The following KAZN variants were observed in gnomAD, a reference collection of about 807,000 sequenced individuals.
KAZN encodes the protein kazrin.
In KAZN, 40 loss-of-function variants were observed where a neutral mutation model predicts 87.4. The observed-to-expected ratio is 0.46, with a 90% confidence interval of 0.36 to 0.60. The LOEUF (loss-of-function observed/expected upper bound fraction) is 0.60, where lower values mean the gene tolerates loss of function less well. KAZN is among the 20% of genes least tolerant of loss of function. KAZN has a pLI of 0.00. For synonymous variants in KAZN, 466 were observed against 458.3 expected, an observed-to-expected ratio of 1.02 and a Z score of -0.22; for missense variants, 898 against 1,073.9, an observed-to-expected ratio of 0.84 and a Z score of 2.29.
intron 2 of KAZN, among the ~76,000 whole-genome samples, chr1:14,248,577 G>C (rs1417392798): frequency 6.6e-6 from 1 of 152,244 alleles, no homozygotes; most frequent in African/African-American, 2.4e-5. Flanking sequence ...CAGGGCCATG[G>C]AGGATGAAGA....
intron 2 of KAZN, among the ~76,000 whole-genome samples, chr1:14,535,367 A>G (rs1672429931): frequency 1.3e-5 from 2 of 152,232 alleles, no homozygotes; most frequent in African/African-American, 4.8e-5. Context: ...TCATAATGCA[A>G]AGAAATACAC....
chr1:14,845,559 G>GTGGGTGGA (rs1553143775), intron 1 of KAZN, among the ~76,000 whole-genome samples: 7,345 of 145,444 alleles, frequency 0.051, 269 homozygotes, highest in Admixed American at 0.098. Context: ...AGATGGGTGG[G>GTGGGTGGA]TGGATGGATG....
At chr1:14,302,493 T>G (rs1654622630) in intron 2 of KAZN, among the ~76,000 whole-genome samples, 1 of 152,120 alleles carries the variant, frequency 6.6e-6, no homozygotes. Flanking sequence ...GAAACAGACA[T>G]GTATCCTGCC....
intron 1 of KAZN, among the ~76,000 whole-genome samples, chr1:14,175,247 G>A (rs1476769532): frequency 6.6e-6 from 1 of 152,186 alleles, no homozygotes; most frequent in Non-Finnish European, 1.5e-5. Flanking sequence ...GGGACTACAG[G>A]CGCCTGCCAC....
chr1:14,161,144 G>A, intron 1 of KAZN, among the ~76,000 whole-genome samples: 1 of 152,230 alleles, frequency 6.6e-6, no homozygotes, highest in African/African-American at 2.4e-5. Flanking sequence ...GGTTATTGGA[G>A]CAAAATCAAA....
chr1:14,883,358 A>AGAAAGAAAG (rs1653630020), intron 1 of KAZN, among the ~76,000 whole-genome samples: 2 of 34,820 alleles, frequency 5.7e-5, no homozygotes, highest in Non-Finnish European at 1.2e-4. Flanking sequence ...AAGAAAGAAA[A>AGAAAGAAAG]GAAAGAAAGA....
chr1:14,833,578 C>G (rs763646824), intron 1 of KAZN, among the ~76,000 whole-genome samples: 3 of 152,172 alleles, frequency 2.0e-5, no homozygotes, highest in African/African-American at 7.2e-5. Flanking sequence ...TCTACCCCCC[C>G]CAGGCCCTCA....
chr1:14,277,568 G>A (rs1652471814), intron 2 of KAZN, among the ~76,000 whole-genome samples: 1 of 151,704 alleles, frequency 6.6e-6, no homozygotes, highest in African/African-American at 2.4e-5. Context: ...GGAGGCTGAG[G>A]TGGAGAATTG....
intron 1 of KAZN, among the ~76,000 whole-genome samples, chr1:14,141,464 C>A (rs1009615342): frequency 1.3e-5 from 2 of 150,102 alleles, no homozygotes; most frequent in African/African-American, 5.0e-5. Flanking sequence ...CTGATGGAAC[C>A]AGATGTAACG....
intron 2 of KAZN, among the ~76,000 whole-genome samples, chr1:14,283,785 G>A (rs1284932271): frequency 1.3e-5 from 2 of 152,006 alleles, no homozygotes; most frequent in Admixed American, 1.3e-4. Context: ...AACATATACA[G>A]GTATGAAAAC....
chr1:14,132,634 A>T (rs1645015054), intron 1 of KAZN, among the ~76,000 whole-genome samples: 1 of 152,330 alleles, frequency 6.6e-6, no homozygotes, highest in Non-Finnish European at 1.5e-5. Context: ...AGCAAAATCA[A>T]CAAGCATTCA....
intron 2 of KAZN, among the ~76,000 whole-genome samples, chr1:14,263,339 A>G (rs1191578036): frequency 6.6e-6 from 1 of 152,232 alleles, no homozygotes; most frequent in Non-Finnish European, 1.5e-5. Context: ...AATGAGATAA[A>G]CAAGCAGGGT....
intron 1 of KAZN, among the ~76,000 whole-genome samples, chr1:14,786,636 A>G (rs804127): frequency 0.79 from 120,198 of 152,192 alleles, 47,609 homozygotes; most frequent in African/African-American, 0.85. Context: ...CCTGATGCCT[A>G]TCTTTAAAAT....
chr1:14,244,490 T>C (rs1649306456), intron 2 of KAZN, among the ~76,000 whole-genome samples: 1 of 152,202 alleles, frequency 6.6e-6, no homozygotes, highest in Non-Finnish European at 1.5e-5. Context: ...TGCTAGGTTC[T>C]AGGGAAACAG....
intron 2 of KAZN, among the ~76,000 whole-genome samples, chr1:14,481,595 T>C (rs1173909494): frequency 6.6e-6 from 1 of 152,176 alleles, no homozygotes; most frequent in Non-Finnish European, 1.5e-5. Context: ...GAAAGTAATC[T>C]TGCCTGGGGC....
chr1:14,764,055 T>G (rs1357258040), intron 1 of KAZN, among the ~76,000 whole-genome samples: 1 of 152,162 alleles, frequency 6.6e-6, no homozygotes, highest in Non-Finnish European at 1.5e-5. Flanking sequence ...AGCTTGCTAC[T>G]CATTTTAAAT....
chr1:13,966,037 C>T (rs570945151), intron 1 of KAZN, among the ~76,000 whole-genome samples: 4 of 152,242 alleles, frequency 2.6e-5, no homozygotes, highest in Admixed American at 6.5e-5. Context: ...ACAGTCCAGG[C>T]GGCTCTCCAA....
At chr1:14,445,001 G>C (rs1364297250) in intron 2 of KAZN, among the ~76,000 whole-genome samples, 11 of 150,910 alleles carry the variant, frequency 7.3e-5, no homozygotes, top group Non-Finnish European at 1.3e-4. Flanking sequence ...GGTCATTAGG[G>C]TGGGCTCTAA....
At position 15,072,152 on chromosome 1, in the gene KAZN, T is replaced by C. The variant is rs565743193; in HGVS notation, c.1222+6399T>C. On this transcript the variant is annotated intron_variant, in intron 8 of 14. Coordinates refer to ENST00000376030, the MANE Select transcript of KAZN (RefSeq NM_201628.3). ...AGTGTACTCATCTGTAAAATGGGTGTAATTACCCTCCCCTCCTCGTAGGTT... is the reference window on the plus strand; with the variant it reads ...AGTGTACTCATCTGTAAAATGGGTGCAATTACCCTCCCCTCCTCGTAGGTT... 7.2e-5 allele frequency among the ~76,000 whole-genome samples: 11 copies of C among 152,330 alleles called. No homozygotes were observed. In the South Asian group the frequency reaches 8.3e-4, roughly 11 times the overall value.
Sources: gnomAD v4.1 joint callset for allele counts (sites outside exome capture counted in the v4.1 genomes callset) on GRCh38, gnomAD v4.1.1 for gene constraint, MANE v1.5 for transcripts, NCBI Gene and HGNC (gene_info 2026-07-23, HGNC 2026-07-21) for gene names.